The following ALB variants were observed in gnomAD, a reference collection of about 807,000 sequenced individuals.
ALB encodes serum albumin.
Under a neutral mutation model 74.5 loss-of-function variants are expected in ALB, and 37 were observed. That is an observed-to-expected ratio of 0.50 (90% CI 0.38 to 0.65). The LOEUF is 0.65. Among genes scored for constraint, ALB ranks in the 30% least tolerant of loss-of-function variants. ALB has a pLI of 0.00. For missense variants in ALB, 685 were observed against 718.7 expected (o/e 0.95, Z 0.54); for synonymous variants, 249 against 251.6 (o/e 0.99, Z 0.10).
rs1718683960 is a variant in ALB, at chr4:73,405,040, G to T, written c.80-76G>T. The T allele has an allele frequency of 6.9e-5, 97 of 1,404,926 alleles. 1 individual carries two copies. The South Asian group carries it at 1.1e-3, about 17-fold the overall frequency. The allele number at this position is 1,404,926 out of a possible 1,614,324, so 87.0% of individuals were successfully genotyped here. A position where few individuals can be genotyped will look rare whatever the true frequency, so the allele number is the denominator to read the frequency against. Reference sequence around the variant, plus strand: ...ATGCATAATCTAAGTCAAATGGAAAGAAATATAAAAAGTAACATTATTACT... The same window carrying T: ...ATGCATAATCTAAGTCAAATGGAAATAAATATAAAAAGTAACATTATTACT... On this transcript the variant is annotated intron_variant, in intron 1 of 14. Transcript: ENST00000295897.
intron 13 of ALB, among the ~76,000 whole-genome samples, chr4:73,419,907 C>T (rs1719103916): frequency 6.6e-6 from 1 of 151,998 alleles, no homozygotes; most frequent in Non-Finnish European, 1.5e-5. Flanking sequence ...TTTGTAAGGC[C>T]TGAAATATTT....
At chr4:73,409,587 T>G (rs1474864393) in intron 5 of ALB, 100 bp downstream of exon 5, 3 of 1,431,010 alleles carry the variant, frequency 2.1e-6, no homozygotes, top group South Asian at 1.2e-5. Flanking sequence ...ATACAAACTT[T>G]CCGACATGGT....
chr4:73,404,863 A>G, intron 1 of ALB: 1 of 471,186 alleles, frequency 2.1e-6, no homozygotes. Flanking sequence ...ATTAGATATT[A>G]TCTAAGTTTG....
At position 73,413,612 on chromosome 4, in the gene ALB, G is replaced by A. The variant is rs1463536973; in HGVS notation, c.1036G>A (p.Ala346Thr). The A allele has an allele frequency of 1.2e-6, 2 of 1,613,906 alleles. No homozygotes were observed. The highest frequency in any genetic ancestry group is 2.7e-5 in the African/African-American group (2 of 74,924). The change falls in exon 8 of 15, where the codon GCA becomes ACA. Residue 346 changes from alanine to threonine, a missense_variant. Ala to Thr is a moderately conservative substitution (Grantham distance 58). Coordinates refer to ENST00000295897, the MANE Select transcript of ALB (RefSeq NM_000477.7). ...GGATGTTTGCAAAAACTATGCTGAG[G>A]CAAAGGATGTCTTCCTGGGCATGTA... ...SKDVCKNYAEAKDVFLGMFLY... is the reference protein window; with the variant it reads ...SKDVCKNYAETKDVFLGMFLY...
chr4:73,405,301 C>A, intron 2 of ALB, 128 bp downstream of exon 2: 1 of 777,828 alleles, frequency 1.3e-6, no homozygotes, highest in Non-Finnish European at 2.2e-6. Context: ...GAGTTTTCTG[C>A]GTTGAGGAAG....
Position 73,416,359 on chromosome 4 carries a change from T to C in ALB, c.1289+6T>C. ...GAGTACAAATTCCAGAATGCGTAAG[T>C]AATTTTTATTGACTGATTTTTTTTA... On this transcript the variant is annotated splice_donor_region_variant and intron_variant, in intron 10 of 14. Transcript: ENST00000295897. The C allele has an allele frequency of 6.2e-7, 1 of 1,600,872 alleles. No homozygotes were observed. Among genetic ancestry groups the C allele is most frequent in the Non-Finnish European group, 8.5e-7 (1 of 1,170,478 alleles).
At chr4:73,410,160 C>A (rs1023052740) in intron 5 of ALB, 152 bp from the exon 6 acceptor site, 5 of 665,154 alleles carry the variant, frequency 7.5e-6, no homozygotes, top group South Asian at 7.1e-5. Flanking sequence ...TCTTAGAGAG[C>A]AAAATCATTA....
chr4:73,415,685 T>C (rs1718995970), intron 9 of ALB, among the ~76,000 whole-genome samples: 1 of 152,200 alleles, frequency 6.6e-6, no homozygotes, highest in African/African-American at 2.4e-5. Context: ...GTTTCTGAAC[T>C]ATTCAGAATC....
At chr4:73,413,247 T>C (rs1027747219) in intron 7 of ALB, 173 bp from the exon 8 acceptor site, 11 of 652,238 alleles carry the variant, frequency 1.7e-5, no homozygotes, top group African/African-American at 1.3e-4. Context: ...GGGAATGTTT[T>C]TGTAGTCCTA....
At position 73,413,535 on chromosome 4, in the gene ALB, A is replaced by G; in HGVS notation, c.959A>G (p.Asp320Gly). ...KSHCIAEVEN[D>G]EMPADLPSLA... ...CACTGCATTGCCGAAGTGGAAAATG[A>G]TGAGATGCCTGCTGACTTGCCTTCA... is the stretch of plus-strand genomic sequence containing the variant. The change falls in exon 8 of 15, where the codon GAT becomes GGT. Residue 320 changes from aspartate to glycine, a missense_variant. By Grantham distance (94) the Asp-to-Gly change is moderately conservative. Coordinates refer to ENST00000295897, the MANE Select transcript of ALB (RefSeq NM_000477.7). 1 of 1,614,218 alleles carries G rather than the reference A, an allele frequency of 6.2e-7. No homozygotes were observed. The highest frequency in any genetic ancestry group is 8.5e-7 in the Non-Finnish European group (1 of 1,180,040).
rs1353321708 is a variant in ALB, at chr4:73,417,682, A to G, written c.1428+13A>G. 6.4e-7 allele frequency: 1 copy of G among 1,564,068 alleles called. No homozygotes were observed. Among genetic ancestry groups the G allele is most frequent in the Non-Finnish European group, 8.6e-7 (1 of 1,157,698 alleles). On this transcript the variant is annotated intron_variant, in intron 11 of 14. Transcript: ENST00000295897. ...TGCAGAAGACTATGTGAGTCTTTAA[A>G]AAAATATAATAAATTAATAATGAAA... is the stretch of plus-strand genomic sequence containing the variant.
chr4:73,405,210 C>G lies in ALB; in HGVS notation c.137+37C>G, dbSNP rs145389163. On this transcript the variant is annotated intron_variant, in intron 2 of 14. Coordinates refer to ENST00000295897, the MANE Select transcript of ALB (RefSeq NM_000477.7). Reference sequence around the variant, plus strand: ...TATTGATGAATCAAATTTAATGTTTCTAATAGTGTTGTTTATTATTCTAAA... The same window carrying G: ...TATTGATGAATCAAATTTAATGTTTGTAATAGTGTTGTTTATTATTCTAAA... The G allele has an allele frequency of 2.3e-4, 341 of 1,504,046 alleles. No homozygotes were observed. The African/African-American group carries it at 4.0e-3, about 17-fold the overall frequency. 93.2% of individuals were successfully genotyped at this position (1,504,046 alleles called of 1,614,324 possible). A position where few individuals can be genotyped will look rare whatever the true frequency, so the allele number is the denominator to read the frequency against.
At chr4:73,417,780 T>G in intron 11 of ALB, 111 bp downstream of exon 11, 1 of 983,578 alleles carries the variant, frequency 1.0e-6, no homozygotes, top group Non-Finnish European at 1.5e-6. Context: ...TGTGCATGTT[T>G]GTGTGCATGT....
rs149432908 is a variant in ALB, at chr4:73,409,403, A to G, written c.531A>G (p.Glu177=). ...GACATCCTTACTTTTATGCCCCGGA[A>G]CTCCTTTTCTTTGCTAAAAGGTATA... is the stretch of plus-strand genomic sequence containing the variant. The part of the protein sequence containing the change: ...ARRHPYFYAP[E]LLFFAKRYKA... Residue 177 remains glutamate (E), a synonymous_variant, in exon 5 of 15, where the codon GAA becomes GAG. Coordinates refer to ENST00000295897, the MANE Select transcript of ALB (RefSeq NM_000477.7). The G allele has an allele frequency of 6.2e-7, 1 of 1,613,862 alleles. No individual in the cohort carries two copies. Among genetic ancestry groups the G allele is most frequent in the Non-Finnish European group, 8.5e-7 (1 of 1,179,856 alleles).
At chr4:73,413,170 T>A in intron 7 of ALB, 1 of 466,842 alleles carries the variant, frequency 2.1e-6, no homozygotes, top group Admixed American at 3.6e-5. Context: ...GCCCTAACAG[T>A]AGAAACATAA....
intron 3 of ALB, 142 bp from the exon 4 acceptor site, chr4:73,408,452 A>AC: frequency 1.4e-6 from 1 of 711,518 alleles, no homozygotes; most frequent in Non-Finnish European, 2.4e-6. Context: ...CAGAAACTGT[A>AC]AACCTCGATT....
intron 8 of ALB, 112 bp from the exon 9 acceptor site, chr4:73,414,923 G>C (rs911401426): frequency 1.3e-5 from 17 of 1,346,250 alleles, no homozygotes; most frequent in Non-Finnish European, 1.6e-5. Flanking sequence ...TTACTGCATG[G>C]GGTTTAGTCA....
At chr4:73,404,445 AT>A in intron 1 of ALB, 39 bp downstream of exon 1, 1 of 1,527,830 alleles carries the variant, frequency 6.5e-7, no homozygotes, top group Non-Finnish European at 9.1e-7. Context: ...CTTTTATTCT[AT>A]TTTCCCAGTA....
At chr4:73,407,522 T>C (rs1403379643) in intron 3 of ALB, among the ~76,000 whole-genome samples, 2 of 152,184 alleles carry the variant, frequency 1.3e-5, no homozygotes, top group Non-Finnish European at 2.9e-5. Flanking sequence ...TTGATAGACA[T>C]TTAGGTTGGT....
Sources: allele counts gnomAD v4.1 joint callset (sites outside exome capture counted in the v4.1 genomes callset), GRCh38; gene constraint gnomAD v4.1.1; transcripts MANE v1.5; gene names NCBI Gene and HGNC (gene_info 2026-07-23, HGNC 2026-07-21).